Variants in SI observed in about 807,000 individuals in gnomAD.
The protein encoded by SI is sucrase-isomaltase.
In SI, 235 loss-of-function variants were observed where a neutral mutation model predicts 253.3. That is an observed-to-expected ratio of 0.93 (90% confidence interval 0.83 to 1.03). The LOEUF (loss-of-function observed/expected upper bound fraction) is 1.03, where lower values mean the gene tolerates loss of function less well. Among genes scored for constraint, SI ranks in the 50% least tolerant of loss-of-function variants. SI has a pLI of 0.00. For missense variants in SI, 2,442 were observed against 2,211.1 expected (o/e 1.10, Z -2.09); for synonymous variants, 819 against 712.0 (o/e 1.15, Z -2.39).
Position 165,016,012 on chromosome 3 carries a change from C to T in SI, c.3828G>A (p.Gln1276=). Residue 1276 remains glutamine, a synonymous_variant, in exon 32 of 48, where the codon CAG becomes CAA. Coordinates refer to ENST00000264382, the MANE Select transcript of SI (RefSeq NM_001041.4). ...TTTTGTCAACAAACTGAGGAAGGTC[C>T]TGGAATGCTTCACCAATTGTAAAGT... is the stretch of plus-strand genomic sequence containing the variant. ...QLDFTIGEAF[Q]DLPQFVDKIR... 1 of 1,612,072 alleles carries T rather than the reference C, an allele frequency of 6.2e-7. No individual in the cohort carries two copies. Among genetic ancestry groups the T allele is most frequent in the Non-Finnish European group, 8.5e-7 (1 of 1,178,354 alleles).
chr3:165,065,182 T>C (rs1714173166), intron 7 of SI, 79 bp downstream of exon 7: 1 of 911,646 alleles, frequency 1.1e-6, no homozygotes, highest in South Asian at 1.4e-5. Flanking sequence ...TTAAAATAAA[T>C]GCTGTTTTCA....
At position 165,018,177 on chromosome 3, in the gene SI, G is replaced by A. The variant is rs1055142946; in HGVS notation, c.3424-111C>T. 6.5e-5 allele frequency: 46 copies of A among 710,798 alleles called. 1 individual carries two copies. The highest frequency in any genetic ancestry group is 3.2e-4 in the African/African-American group (18 of 56,654). 44.0% of individuals were successfully genotyped at this position (710,798 alleles called of 1,614,324 possible). A position where few individuals can be genotyped will look rare whatever the true frequency, so the allele number is the denominator to read the frequency against. ...ATCGAGACTTGATATTTAAATTCCC[G>A]TTTCCCAACCTTAAACTATGCTTCA... is the stretch of plus-strand genomic sequence containing the variant. On this transcript the variant is annotated intron_variant, in intron 28 of 47. Coordinates refer to ENST00000264382, the MANE Select transcript of SI (RefSeq NM_001041.4).
upstream of SI, among the ~76,000 whole-genome samples, chr3:165,079,196 T>C (rs1202190884): frequency 6.6e-6 from 1 of 151,656 alleles, no homozygotes; most frequent in Non-Finnish European, 1.5e-5. Context: ...GGATTTGATA[T>C]AATAAATTTG....
intron 16 of SI, 56 bp from the exon 17 acceptor site, chr3:165,043,231 A>T: frequency 1.7e-6 from 2 of 1,186,268 alleles, no homozygotes; most frequent in Non-Finnish European, 1.2e-6. Flanking sequence ...ATTTGCCTAG[A>T]GCATCACACT....
In SI at chr3:165,063,119, T is replaced by C. The variant is rs112108552; in HGVS notation, c.907+323A>G. On this transcript the variant is annotated intron_variant, in intron 8 of 47. Transcript: ENST00000264382. ...TAGACATCTTTTTTGTTTTCATTTG[T>C]AGTGGCATGTTTACTTATCTCGACA... is the stretch of plus-strand genomic sequence containing the variant. Among the ~76,000 whole-genome samples the C allele has an allele frequency of 3.0e-3, 458 of 152,216 alleles. 2 individuals carry two copies. Among genetic ancestry groups the C allele is most frequent in the African/African-American group, 9.7e-3 (402 of 41,574 alleles).
chr3:165,020,200 A>G (rs1711525341), intron 27 of SI, among the ~76,000 whole-genome samples: 1 of 151,752 alleles, frequency 6.6e-6, no homozygotes. Flanking sequence ...ATGAATTTTA[A>G]GTTTAACAGA....
At chr3:164,990,840 T>TG (rs1717697414) in intron 44 of SI, among the ~76,000 whole-genome samples, 1 of 151,838 alleles carries the variant, frequency 6.6e-6, no homozygotes, top group African/African-American at 2.4e-5. Context: ...ATGGCACATG[T>TG]ATACATATGT....
chr3:165,054,316 G>A (rs912693686), intron 13 of SI, among the ~76,000 whole-genome samples: 3 of 151,958 alleles, frequency 2.0e-5, no homozygotes, highest in Non-Finnish European at 4.4e-5. Context: ...CCTAGCAGCA[G>A]GCCATCAATA....
Position 165,071,443 on chromosome 3 carries a change from CAT to C in SI, c.256-2250_256-2249del, listed in dbSNP as rs1388840011. Among the ~76,000 whole-genome samples, 18 of 150,916 alleles carry C rather than the reference CAT, an allele frequency of 1.2e-4. 1 individual carries two copies. In the East Asian group the frequency reaches 3.5e-3, roughly 29 times the overall value. On this transcript the variant is annotated intron_variant, in intron 3 of 47. Transcript: ENST00000264382. ...GCAAATAAAGGTATAATAAATTTAT[CAT>C]ATTTTAACATATTTTATCATATATA... is the stretch of plus-strand genomic sequence containing the variant.
intron 45 of SI, among the ~76,000 whole-genome samples, chr3:164,986,794 T>A (rs987289772): frequency 9.2e-5 from 14 of 152,190 alleles, no homozygotes; most frequent in Non-Finnish European, 2.9e-5. Context: ...ATGTGGTTAT[T>A]CAGCTAAGTT....
chr3:165,069,940 G>T (rs1045565097), intron 3 of SI, among the ~76,000 whole-genome samples: 4 of 150,694 alleles, frequency 2.7e-5, no homozygotes, highest in Non-Finnish European at 5.9e-5. Context: ...TTTCCCCTTT[G>T]CTTACTTTCC....
chr3:165,026,751 A>G (rs533447552), intron 25 of SI, among the ~76,000 whole-genome samples: 2 of 151,452 alleles, frequency 1.3e-5, no homozygotes, highest in African/African-American at 4.8e-5. Flanking sequence ...CAAGTTGAAA[A>G]TTTAAAAAGT....
chr3:164,995,678 C>A (rs796919722), intron 40 of SI, among the ~76,000 whole-genome samples: 22 of 151,860 alleles, frequency 1.4e-4, no homozygotes, highest in African/African-American at 5.1e-4. Flanking sequence ...CTGTTCCCCA[C>A]ACCCATCTCA....
At chr3:165,073,470 A>AT (rs1468455238) in intron 3 of SI, among the ~76,000 whole-genome samples, 1 of 151,806 alleles carries the variant, frequency 6.6e-6, no homozygotes, top group Admixed American at 6.6e-5. Context: ...ATCTCTTTCA[A>AT]TTTTTTTTCA....
intron 17 of SI, among the ~76,000 whole-genome samples, chr3:165,042,504 T>C (rs1712888872): frequency 6.6e-6 from 1 of 152,124 alleles, no homozygotes; most frequent in Non-Finnish European, 1.5e-5. Context: ...AGACTAGCTT[T>C]GTATTGTCTG....
At chr3:165,041,731 A>G (rs1446699252) in intron 17 of SI, among the ~76,000 whole-genome samples, 1 of 152,088 alleles carries the variant, frequency 6.6e-6, no homozygotes, top group African/African-American at 2.4e-5. Context: ...AGTAACACTG[A>G]TATGGACAAG....
intron 3 of SI, among the ~76,000 whole-genome samples, chr3:165,071,284 C>G (rs941163313): frequency 6.6e-6 from 1 of 151,738 alleles, no homozygotes. Flanking sequence ...ATTTATCTTG[C>G]GAAGATTTTG....
intron 37 of SI, among the ~76,000 whole-genome samples, chr3:165,004,364 A>ATTC (rs1718401575): frequency 6.6e-6 from 1 of 152,184 alleles, no homozygotes; most frequent in Non-Finnish European, 1.5e-5. Context: ...ATGTAAATTC[A>ATTC]TACAACCACT....
intron 25 of SI, among the ~76,000 whole-genome samples, chr3:165,027,609 A>G (rs986840918): frequency 6.6e-6 from 1 of 151,484 alleles, no homozygotes. Context: ...AAGATAGCCC[A>G]ACATGACCAA....
Sources: allele counts gnomAD v4.1 joint callset (sites outside exome capture counted in the v4.1 genomes callset), GRCh38; gene constraint gnomAD v4.1.1; transcripts MANE v1.5; gene names NCBI Gene and HGNC (gene_info 2026-07-23, HGNC 2026-07-21).